NAALADL2: variants seen among roughly 807,000 people sequenced by gnomAD.
NAALADL2 encodes the protein N-acetylated alpha-linked acidic dipeptidase like 2, also known as inactive N-acetylated-alpha-linked acidic dipeptidase-like protein 2.
A neutral mutation model predicts 87.2 loss-of-function variants in NAALADL2; 76 were observed. That is an observed-to-expected ratio of 0.87 (90% CI 0.72 to 1.05). The LOEUF is 1.05. Among genes scored for constraint, NAALADL2 ranks in the 50% least tolerant of loss-of-function variants. NAALADL2 has a pLI of 0.00. For missense variants in NAALADL2, 1,089 were observed against 945.8 expected (o/e 1.15, Z -1.99); for synonymous variants, 354 against 331.0 (o/e 1.07, Z -0.75).
At chr3:175,462,458 A>T (rs909634521) in intron 6 of NAALADL2, among the ~76,000 whole-genome samples, 1 of 152,204 alleles carries the variant, frequency 6.6e-6, no homozygotes, top group African/African-American at 2.4e-5. Flanking sequence ...TGAGGGAAAG[A>T]AGTAATATAT....
At chr3:175,094,548 T>C (rs1046474312) in intron 1 of NAALADL2, among the ~76,000 whole-genome samples, 7 of 151,976 alleles carry the variant, frequency 4.6e-5, no homozygotes, top group Admixed American at 3.3e-4. Flanking sequence ...TTCCTTTCTC[T>C]GCTTGTCTTG....
At chr3:175,159,466 A>G (rs1393693804) in intron 2 of NAALADL2, among the ~76,000 whole-genome samples, 2 of 152,210 alleles carry the variant, frequency 1.3e-5, no homozygotes, top group Non-Finnish European at 2.9e-5. Context: ...TTGCATACAC[A>G]CATATCATAA....
chr3:174,644,852 A>G (rs898532081), intron 2 of NAALADL2, among the ~76,000 whole-genome samples: 4 of 152,236 alleles, frequency 2.6e-5, no homozygotes, highest in Non-Finnish European at 4.4e-5. Flanking sequence ...TAAATTCCAT[A>G]TTGAAAGTAC....
intron 1 of NAALADL2, among the ~76,000 whole-genome samples, chr3:174,446,597 G>A (rs1421119998): frequency 6.6e-6 from 1 of 152,120 alleles, no homozygotes; most frequent in Non-Finnish European, 1.5e-5. Flanking sequence ...GTGTATGTGT[G>A]TATTTTCATT....
intron 9 of NAALADL2, among the ~76,000 whole-genome samples, chr3:175,573,346 T>C (rs1286839654): frequency 1.3e-5 from 2 of 152,234 alleles, no homozygotes; most frequent in Non-Finnish European, 2.9e-5. Flanking sequence ...GATTTTTACT[T>C]TCATCAGTCA....
rs554034049 is a variant in NAALADL2, at chr3:175,612,515, C to T, written c.1801-14776C>T. On this transcript the variant is annotated intron_variant, in intron 10 of 13. Transcript: ENST00000454872. ...CTATAATATCTTTCTCAGGATTTGA[C>T]GAATGTATTTGTTTCTTCTTAACCC... Among the ~76,000 whole-genome samples, 6 of 152,204 alleles carry T rather than the reference C, an allele frequency of 3.9e-5. No individual in the cohort carries two copies. The East Asian group carries it at 5.8e-4, about 15-fold the overall frequency.
chr3:175,485,381 G>A (rs1727101556), intron 9 of NAALADL2, among the ~76,000 whole-genome samples: 1 of 152,090 alleles, frequency 6.6e-6, no homozygotes, highest in Middle Eastern at 3.2e-3. Flanking sequence ...TTATTAAGGA[G>A]AATTCACTCA....
chr3:174,937,281 T>C (rs545584902), intron 1 of NAALADL2, among the ~76,000 whole-genome samples: 1 of 152,158 alleles, frequency 6.6e-6, no homozygotes, highest in Admixed American at 6.6e-5. Context: ...TCCCTATTCC[T>C]CTTGGATAAT....
chr3:174,610,508 C>T (rs1478214683), intron 2 of NAALADL2, among the ~76,000 whole-genome samples: 2 of 152,078 alleles, frequency 1.3e-5, no homozygotes, highest in East Asian at 3.8e-4. Flanking sequence ...GGGCGAAAGA[C>T]ATGAAAAGAC....
At chr3:175,487,454 A>G (rs1560634521) in intron 9 of NAALADL2, 2 of 451,886 alleles carry the variant, frequency 4.4e-6, no homozygotes, top group East Asian at 7.0e-5. Flanking sequence ...TATTCTACAA[A>G]TGAACATAAT....
intron 10 of NAALADL2, among the ~76,000 whole-genome samples, chr3:175,598,159 A>G (rs1722488788): frequency 6.6e-6 from 1 of 152,008 alleles, no homozygotes; most frequent in Non-Finnish European, 1.5e-5. Flanking sequence ...AGACTTTGTA[A>G]AACAGTCTTG....
intron 2 of NAALADL2, among the ~76,000 whole-genome samples, chr3:174,699,093 C>G (rs1384899178): frequency 1.3e-5 from 2 of 152,064 alleles, no homozygotes; most frequent in African/African-American, 4.8e-5. Context: ...CCTTTACATT[C>G]GATCCTGCAA....
chr3:175,369,216 TA>T (rs1168745552), intron 5 of NAALADL2, among the ~76,000 whole-genome samples: 3 of 152,170 alleles, frequency 2.0e-5, no homozygotes, highest in Non-Finnish European at 2.9e-5. Flanking sequence ...CCTGACTGTA[TA>T]TATATGTAGC....
intron 11 of NAALADL2, among the ~76,000 whole-genome samples, chr3:175,649,605 G>T (rs1730475405): frequency 6.6e-6 from 1 of 152,138 alleles, no homozygotes; most frequent in Admixed American, 6.5e-5. Flanking sequence ...TCCTCATCAA[G>T]TGCTCACATG....
chr3:175,220,420 T>G (rs1467950991), intron 2 of NAALADL2, among the ~76,000 whole-genome samples: 1 of 151,922 alleles, frequency 6.6e-6, no homozygotes, highest in Non-Finnish European at 1.5e-5. Flanking sequence ...TTTTCTTTTG[T>G]GACAGTTTTT....
intron 1 of NAALADL2, among the ~76,000 whole-genome samples, chr3:174,479,044 A>G (rs1449307839): frequency 6.6e-6 from 1 of 152,164 alleles, no homozygotes; most frequent in Non-Finnish European, 1.5e-5. Flanking sequence ...TCAGCTTTCC[A>G]GGCTTTACTG....
At chr3:175,604,059 C>A (rs1369040794) in intron 10 of NAALADL2, among the ~76,000 whole-genome samples, 3 of 152,044 alleles carry the variant, frequency 2.0e-5, no homozygotes, top group Non-Finnish European at 1.5e-5. Flanking sequence ...GGGTATATAT[C>A]CAGAAGTAGA....
At chr3:174,629,325 T>G (rs980782615) in intron 2 of NAALADL2, among the ~76,000 whole-genome samples, 1 of 152,206 alleles carries the variant, frequency 6.6e-6, no homozygotes, top group Non-Finnish European at 1.5e-5. Context: ...TCTGAACAAG[T>G]GCCTAAAAGC....
At chr3:175,397,367 A>G (rs1769938997) in intron 5 of NAALADL2, 4 of 151,976 alleles carry the variant, frequency 2.6e-5, no homozygotes, top group East Asian at 3.9e-4. Context: ...ATTTCTAAAC[A>G]GTTCTAAATT....
Sources: allele counts gnomAD v4.1 joint callset (sites outside exome capture counted in the v4.1 genomes callset), GRCh38; gene constraint gnomAD v4.1.1; transcripts MANE v1.5; gene names NCBI Gene and HGNC (gene_info 2026-07-23, HGNC 2026-07-21).